The following NOS2 variants were observed in gnomAD, a reference collection of about 807,000 sequenced individuals.
NOS2 encodes the protein nitric oxide synthase 2, also known as nitric oxide synthase, inducible.
A neutral mutation model predicts 136.0 loss-of-function variants in NOS2; 96 were observed. The ratio of observed to expected loss-of-function variants is 0.71; its 90% CI spans 0.60 to 0.84. The LOEUF (loss-of-function observed/expected upper bound fraction) is 0.84, where lower values mean the gene tolerates loss of function less well. Ranked by LOEUF, NOS2 falls within the 40% of genes least tolerant of loss-of-function variation. NOS2 has a pLI of 0.00. For synonymous variants in NOS2, 539 were observed against 587.5 expected (o/e 0.92, Z 1.20); for missense variants, 1,237 against 1,496.9 (o/e 0.83, Z 2.87).
rs1198747372 is a variant in NOS2 at position 27,760,105 on chromosome 17, C to G, written c.3084G>C (p.Glu1028Asp). 6.2e-7 allele frequency: 1 copy of G among 1,607,288 alleles called. No homozygotes were observed. The highest frequency in any genetic ancestry group is 1.1e-5 in the South Asian group (1 of 90,348). Reference protein sequence around the residue: ...RPDEDHIYQEEMLEMAQKGVL... With the variant: ...RPDEDHIYQEDMLEMAQKGVL... ...CCCCCTTCTGGGCCATCTCCAGCAT[C>G]TCCTCCTGGTAGATGTGGTCCTCAT... Residue 1028 changes from glutamate (E) to aspartate (D), a missense_variant, in exon 25 of 27, where the codon GAG becomes GAC. This residue lies in a region of NOS2 where 782 missense variants were observed against 909.9 expected (regional missense o/e 0.86). Coordinates refer to ENST00000313735, the MANE Select transcript of NOS2 (RefSeq NM_000625.4).
chr17:27,788,196 G>GCGCGCACACA (rs1555540675), intron 4 of NOS2, among the ~76,000 whole-genome samples: 13 of 149,646 alleles, frequency 8.7e-5, no homozygotes, highest in South Asian at 2.1e-4. Context: ...GCACACGCGT[G>GCGCGCACACA]CACACACACA....
At chr17:27,794,353 C>A (rs1464446352) in intron 2 of NOS2, among the ~76,000 whole-genome samples, 1 of 152,160 alleles carries the variant, frequency 6.6e-6, no homozygotes, top group Non-Finnish European at 1.5e-5. Context: ...GGATCGTAAG[C>A]CCCTTCCGGT....
intron 2 of NOS2, among the ~76,000 whole-genome samples, chr17:27,790,960 G>C (rs1321395882): frequency 6.6e-6 from 1 of 152,194 alleles, no homozygotes; most frequent in Non-Finnish European, 1.5e-5. Flanking sequence ...GCATCTGAGG[G>C]AGAGGTGGTT....
intron 2 of NOS2, chr17:27,793,598 G>A: frequency 5.0e-6 from 2 of 397,540 alleles, no homozygotes; most frequent in Non-Finnish European, 4.4e-6. Context: ...CTGGCTCTGC[G>A]CGGGCAGCAG....
intron 2 of NOS2, among the ~76,000 whole-genome samples, chr17:27,793,268 T>C (rs1395206126): frequency 6.6e-6 from 1 of 152,136 alleles, no homozygotes; most frequent in African/African-American, 2.4e-5. Context: ...CTCTTAACCA[T>C]ATTTGATCCA....
Position 27,762,938 on chromosome 17 carries a change from G to C in NOS2, c.2660C>G (p.Pro887Arg), listed in dbSNP as rs200892252. The C allele has an allele frequency of 6.2e-7, 1 of 1,606,016 alleles. No individual in the cohort carries two copies. The highest frequency in any genetic ancestry group is 1.1e-5 in the South Asian group (1 of 89,056). The change falls in exon 22 of 27, where the codon CCG (proline) becomes CGG (arginine). Residue 887 changes from proline (P) to arginine (R), a missense_variant. Pro to Arg is a moderately radical substitution (Grantham distance 103). Transcript: ENST00000313735. ...GAAGCCAGCAGACACCCGCAGGGAC[G>C]GGAACTCCTCTAGCACCTCCAGGAA... Reference protein sequence around the residue: ...PTFLEVLEEFPSLRVSAGFLL... With the variant: ...PTFLEVLEEFRSLRVSAGFLL...
chr17:27,791,194 T>C (rs1203173469), intron 2 of NOS2, among the ~76,000 whole-genome samples: 1 of 152,226 alleles, frequency 6.6e-6, no homozygotes, highest in Non-Finnish European at 1.5e-5. Flanking sequence ...AACTTATATC[T>C]GAATCAAGGG....
intron 5 of NOS2, among the ~76,000 whole-genome samples, chr17:27,786,869 A>G (rs1329800100): frequency 1.3e-5 from 2 of 152,230 alleles, no homozygotes; most frequent in East Asian, 3.8e-4. Flanking sequence ...AAAATTGTAT[A>G]CGTTGGCAAT....
Position 27,774,419 on chromosome 17 carries a change from CG to C in NOS2, c.1313del (p.Ser438TrpfsTer7). On this transcript the variant is annotated frameshift_variant, in exon 12 of 27. Coordinates refer to ENST00000313735, the MANE Select transcript of NOS2 (RefSeq NM_000625.4). LOFTEE classifies it high-confidence loss of function. The part of the protein sequence containing the change: ...KQNVTIMDHH[S>X]AAESFMKYMQ... ...TGTACTTCATGAAGGATTCTGCAGC[CG>C]AGTGGTGGTCCATGATGGTCACATT... is the stretch of plus-strand genomic sequence containing the variant. 1 of 1,528,646 alleles carries C rather than the reference CG, an allele frequency of 6.5e-7. No homozygotes were observed. The highest frequency in any genetic ancestry group is 8.8e-7 in the Non-Finnish European group (1 of 1,136,186). 94.7% of individuals were successfully genotyped at this position (1,528,646 alleles called of 1,614,324 possible). A position where few individuals can be genotyped will look rare whatever the true frequency, so the allele number is the denominator to read the frequency against.
intron 2 of NOS2, among the ~76,000 whole-genome samples, chr17:27,794,479 G>A (rs1909290171): frequency 6.6e-6 from 1 of 152,166 alleles, no homozygotes; most frequent in Non-Finnish European, 1.5e-5. Context: ...AGACCCAGAT[G>A]GGGCAGCAGC....
At chr17:27,772,596 A>G in intron 13 of NOS2, 144 bp from the exon 14 acceptor site, 1 of 874,568 alleles carries the variant, frequency 1.1e-6, no homozygotes, top group Non-Finnish European at 1.7e-6. Flanking sequence ...CCAGCCATGT[A>G]CCGTGACAAC....
At chr17:27,758,541 G>T (rs1908006084) in intron 26 of NOS2, among the ~76,000 whole-genome samples, 1 of 152,192 alleles carries the variant, frequency 6.6e-6, no homozygotes, top group South Asian at 2.1e-4. Context: ...ACGGGGGGCA[G>T]CCTTGCTCTC....
At chr17:27,793,699 C>CG (rs1290636946) in intron 2 of NOS2, 2 of 394,900 alleles carry the variant, frequency 5.1e-6, no homozygotes, top group Non-Finnish European at 8.9e-6. Context: ...GCGCATGGCC[C>CG]GGCTCCTTAG....
intron 2 of NOS2, among the ~76,000 whole-genome samples, chr17:27,797,594 C>T (rs1256576476): frequency 3.3e-5 from 5 of 152,236 alleles, no homozygotes; most frequent in Admixed American, 2.0e-4. Context: ...ATCCAGGGGG[C>T]GCCCTACCCT....
intron 13 of NOS2, 34 bp downstream of exon 13, chr17:27,773,127 C>A: frequency 6.7e-7 from 1 of 1,502,554 alleles, no homozygotes; most frequent in Non-Finnish European, 9.3e-7. Context: ...ATATAGTTCA[C>A]ACATCACTAC....
At chr17:27,770,534 C>G (rs1200936842) in intron 15 of NOS2, among the ~76,000 whole-genome samples, 1 of 152,166 alleles carries the variant, frequency 6.6e-6, no homozygotes, top group Non-Finnish European at 1.5e-5. Context: ...AACCAAAAAA[C>G]AAACAAAACA....
At chr17:27,760,251 T>A in intron 24 of NOS2, 73 bp from the exon 25 acceptor site, 16 of 1,437,570 alleles carry the variant, frequency 1.1e-5, no homozygotes, top group Non-Finnish European at 1.4e-5. Context: ...CAACTGGAAT[T>A]CTCACTTCAC....
chr17:27,775,693 AGCATTGCTTGAGCC>A (rs1358345475), intron 11 of NOS2, among the ~76,000 whole-genome samples: 7 of 152,142 alleles, frequency 4.6e-5, no homozygotes, highest in Admixed American at 3.9e-4. Context: ...ATGTGGTAAG[AGCATTGCTTGAGCC>A]CAGGAGGTCA....
At position 27,769,536 on chromosome 17, in the gene NOS2, T is replaced by C; in HGVS notation, c.1858A>G (p.Arg620Gly). 6.2e-7 allele frequency: 1 copy of C among 1,613,212 alleles called. No individual in the cohort carries two copies. The highest frequency in any genetic ancestry group is 8.5e-7 in the Non-Finnish European group (1 of 1,179,306). The change falls in exon 16 of 27, where the codon AGG becomes GGG. Residue 620 changes from arginine to glycine, a missense_variant and splice_region_variant. By Grantham distance (125) the Arg-to-Gly change is moderately radical. Transcript: ENST00000313735. ...FMLKELNNKFRYAVFGLGSSM... is the reference protein window; with the variant it reads ...FMLKELNNKFGYAVFGLGSSM... ...GTAGGACAACGGAAAAAGCTTTACC[T>C]GAATTTGTTGTTGAGCTCTTTCAGC...
Sources: allele counts gnomAD v4.1 joint callset (sites outside exome capture counted in the v4.1 genomes callset), GRCh38; gene constraint gnomAD v4.1.1; regional missense constraint gnomAD v4.1.1; transcripts MANE v1.5; gene names NCBI Gene and HGNC (gene_info 2026-07-23, HGNC 2026-07-21).